Variants in AKT1 observed in about 807,000 individuals in gnomAD.
The protein encoded by AKT1 is RAC-alpha serine/threonine-protein kinase.
AKT1 carries 21 observed loss-of-function variants against 63.1 expected under a neutral mutation model. The ratio of observed to expected loss-of-function variants is 0.33; its 90% CI spans 0.24 to 0.48. AKT1 has a LOEUF of 0.48. Among genes scored for constraint, AKT1 ranks in the 20% least tolerant of loss-of-function variants. The pLI, the probability that AKT1 is intolerant of heterozygous loss-of-function variation, is 0.99. For missense variants in AKT1, 382 were observed against 666.0 expected, an observed-to-expected ratio of 0.57 and a Z score of 4.69; for synonymous variants, 257 against 253.1, an observed-to-expected ratio of 1.02 and a Z score of -0.15.
intron 3 of AKT1, among the ~76,000 whole-genome samples, chr14:104,783,260 A>G (rs894754251): frequency 2.6e-5 from 4 of 152,108 alleles, no homozygotes; most frequent in African/African-American, 9.7e-5. Flanking sequence ...CCTGTCATCC[A>G]GGACTTAACT....
At chr14:104,784,836 G>C (rs1161470977) in intron 3 of AKT1, among the ~76,000 whole-genome samples, 1 of 152,218 alleles carries the variant, frequency 6.6e-6, no homozygotes, top group African/African-American at 2.4e-5. Context: ...CTGAGGGCCA[G>C]CTGGTGGCCC....
intron 13 of AKT1, chr14:104,772,129 G>A (rs758228599): frequency 7.3e-5 from 43 of 592,078 alleles, no homozygotes; most frequent in East Asian, 1.1e-4. Flanking sequence ...ACACACCTCC[G>A]AGGGGAGGAG....
chr14:104,773,014 G>A lies in AKT1; in HGVS notation c.1036C>T (p.Arg346Cys), dbSNP rs1168658858. 6.8e-6 allele frequency: 11 copies of A among 1,614,028 alleles called. No individual in the cohort carries two copies. Among genetic ancestry groups the A allele is most frequent in the Non-Finnish European group, 7.6e-6 (9 of 1,180,028 alleles). Residue 346 changes from arginine to cysteine, a missense_variant, in exon 12 of 15, where the codon CGC becomes TGC. Arg to Cys is a radical substitution (Grantham distance 180). Coordinates refer to ENST00000649815, the MANE Select transcript of AKT1 (RefSeq NM_001382430.1). ...GVVMYEMMCG[R>C]LPFYNQDHEK... ...TGGTCCTGGTTGTAGAAGGGCAGGC[G>A]ACCGCACATCATCTCGTACATGACC... is the stretch of plus-strand genomic sequence containing the variant.
chr14:104,794,683 G>A (rs973708214), intron 1 of AKT1, among the ~76,000 whole-genome samples: 2 of 152,234 alleles, frequency 1.3e-5, no homozygotes, highest in African/African-American at 4.8e-5. Flanking sequence ...CCTTCGCTCG[G>A]ATGAGGGACT....
chr14:104,787,997 C>A (rs375253593), intron 3 of AKT1, among the ~76,000 whole-genome samples: 1 of 152,210 alleles, frequency 6.6e-6, no homozygotes, highest in Non-Finnish European at 1.5e-5. Flanking sequence ...CCAGCCTGTG[C>A]CTCCTGCCCC....
At chr14:104,771,347 G>A in intron 13 of AKT1, 1 of 243,126 alleles carries the variant, frequency 4.1e-6, no homozygotes, top group Non-Finnish European at 8.1e-6. Context: ...CAGGATGAAG[G>A]GTGACTATAA....
chr14:104,789,546 C>A (rs924653738), intron 3 of AKT1, among the ~76,000 whole-genome samples: 22 of 152,264 alleles, frequency 1.4e-4, no homozygotes. Context: ...CCGAGTTCAG[C>A]CAGACCTGCG....
chr14:104,787,438 G>T (rs1893391927), intron 3 of AKT1, among the ~76,000 whole-genome samples: 2 of 152,164 alleles, frequency 1.3e-5, no homozygotes, highest in South Asian at 4.1e-4. Flanking sequence ...GGTGGCCTGG[G>T]GAGCAGGCCC....
chr14:104,774,065 A>G, intron 8 of AKT1, 85 bp from the exon 9 acceptor site: 1 of 1,350,722 alleles, frequency 7.4e-7, no homozygotes, highest in Non-Finnish European at 1.0e-6. Context: ...GCTGCTTGAT[A>G]CCACGTCGCC....
chr14:104,770,710 A>AAGGGAGTGGGCGGGGGC lies in AKT1; in HGVS notation c.1363+18_1363+34dup, dbSNP rs1892337389. The AAGGGAGTGGGCGGGGGC allele has an allele frequency of 1.9e-6, 3 of 1,573,956 alleles. No individual in the cohort carries two copies. The African/African-American group carries it at 4.1e-5, about 21-fold the overall frequency. ...CAGGCCTCTCTGAGTGTGGAGAGAAAAGGGAGTGGGCGGGGGCAGGCAGTG... is the reference window on the plus strand; with the variant it reads ...CAGGCCTCTCTGAGTGTGGAGAGAAAAGGGAGTGGGCGGGGGCAGGGAGTGGGCGGGGGCAGGCAGTG... On this transcript the variant is annotated intron_variant, in intron 14 of 14. Coordinates refer to ENST00000649815, the MANE Select transcript of AKT1 (RefSeq NM_001382430.1).
At chr14:104,784,113 C>T (rs367784990) in intron 3 of AKT1, among the ~76,000 whole-genome samples, 5 of 152,168 alleles carry the variant, frequency 3.3e-5, no homozygotes, top group African/African-American at 1.2e-4. Context: ...TCCAGTCTCA[C>T]CCTCCTGCTG....
At chr14:104,790,791 C>T (rs1459704297) in intron 3 of AKT1, among the ~76,000 whole-genome samples, 1 of 152,154 alleles carries the variant, frequency 6.6e-6, no homozygotes, top group Non-Finnish European at 1.5e-5. Context: ...TGAGGCTGGC[C>T]GGACCCCAAC....
Position 104,792,682 on chromosome 14 carries a change from A to C in AKT1, c.-39T>G. On this transcript the variant is annotated 5_prime_UTR_variant, in exon 3 of 15. Coordinates refer to ENST00000649815, the MANE Select transcript of AKT1 (RefSeq NM_001382430.1). Reference sequence around the variant, plus strand: ...CCCGCGACGCTCACGCGCTCCTCTCAGGCTGGCGCTCCCCGAGCCCAGCTG... The same window carrying C: ...CCCGCGACGCTCACGCGCTCCTCTCCGGCTGGCGCTCCCCGAGCCCAGCTG... 3.7e-6 allele frequency: 6 copies of C among 1,604,172 alleles called. No individual in the cohort carries two copies. The highest frequency in any genetic ancestry group is 5.1e-6 in the Non-Finnish European group (6 of 1,178,890).
At chr14:104,782,797 G>A (rs1378126939) in intron 3 of AKT1, among the ~76,000 whole-genome samples, 1 of 152,270 alleles carries the variant, frequency 6.6e-6, no homozygotes, top group African/African-American at 2.4e-5. Flanking sequence ...CAGGGGAGGA[G>A]CAGGATCCCC....
chr14:104,777,481 CACATCTGGGGCACACGA>C (rs1185260280), intron 4 of AKT1: 1 of 941,488 alleles, frequency 1.1e-6, no homozygotes, highest in Non-Finnish European at 1.3e-6. Context: ...GACACCTAGC[CACATCTGGGGCACACGA>C]ACACCTGGGG....
intron 3 of AKT1, 111 bp downstream of exon 3, chr14:104,792,487 C>T: frequency 3.1e-6 from 4 of 1,294,700 alleles, no homozygotes; most frequent in Non-Finnish European, 2.2e-6. Flanking sequence ...AGCCCAGGAG[C>T]CCCAGGGGAG....
chr14:104,776,854 C>T, intron 4 of AKT1, 84 bp from the exon 5 acceptor site: 1 of 1,173,398 alleles, frequency 8.5e-7, no homozygotes, highest in Non-Finnish European at 1.2e-6. Flanking sequence ...CACCAGCCAG[C>T]TCCCCTTGCA....
chr14:104,770,280 C>G lies in AKT1; in HGVS notation c.*61G>C. On this transcript the variant is annotated 3_prime_UTR_variant, in exon 15 of 15. Coordinates refer to ENST00000649815, the MANE Select transcript of AKT1 (RefSeq NM_001382430.1). ...GAAATAAAAACCATTAAATACAGAT[C>G]ATGGCACGAGGCCGCCTCTCCATCC... The G allele has an allele frequency of 6.6e-7, 1 of 1,517,684 alleles. No homozygotes were observed. Among genetic ancestry groups the G allele is most frequent in the Non-Finnish European group, 8.9e-7 (1 of 1,118,274 alleles). The allele number at this position is 1,517,684 out of a possible 1,614,324, so 94.0% of individuals were successfully genotyped here. A position where few individuals can be genotyped will look rare whatever the true frequency, so the allele number is the denominator to read the frequency against.
intron 8 of AKT1, chr14:104,774,636 G>A (rs1892605239): frequency 2.3e-6 from 1 of 440,588 alleles, no homozygotes; most frequent in Admixed American, 4.0e-5. Context: ...CAAAAGCCTG[G>A]CAGGCAGGGC....
Sources: gnomAD v4.1 joint callset for allele counts (sites outside exome capture counted in the v4.1 genomes callset) on GRCh38, gnomAD v4.1.1 for gene constraint, MANE v1.5 for transcripts, NCBI Gene and HGNC (gene_info 2026-07-23, HGNC 2026-07-21) for gene names.